DNAH8: variants seen among roughly 807,000 people sequenced by gnomAD.
DNAH8 encodes dynein axonemal heavy chain 8.
A neutral mutation model predicts 562.1 loss-of-function variants in DNAH8; 382 were observed. The ratio of observed to expected loss-of-function variants is 0.68; its 90% confidence interval spans 0.63 to 0.74. The LOEUF is 0.74. DNAH8 is among the 30% of genes least tolerant of loss of function. DNAH8 has a pLI of 0.00. For synonymous variants in DNAH8, 1,881 were observed against 1,919.4 expected (o/e 0.98, Z 0.52); for missense variants, 5,203 against 5,620.4 (o/e 0.93, Z 2.37).
chr6:38,811,059 T>G (rs945369405), intron 24 of DNAH8, among the ~76,000 whole-genome samples: 6 of 152,236 alleles, frequency 3.9e-5, no homozygotes, highest in Non-Finnish European at 8.8e-5. Context: ...TCTGCAGTTT[T>G]CTTTACCCCG....
At chr6:38,948,559 G>A (rs9470953) in intron 80 of DNAH8, among the ~76,000 whole-genome samples, 4,316 of 152,080 alleles carry the variant, frequency 0.028, 206 homozygotes, top group African/African-American at 0.098. Context: ...GGCTGGTCTC[G>A]AACTCCCGAC....
In DNAH8 at chr6:38,720,336, A is replaced by C. The variant is rs770375439; in HGVS notation, c.-34-2440A>C. On this transcript the variant is annotated intron_variant, in intron 1 of 92. Transcript: ENST00000327475. ...CTCTGCTCTGTAACTTGGCCAAAGA[A>C]GACACCAAATCAGAGTTGCTGTTTG... 5.9e-5 allele frequency among the ~76,000 whole-genome samples: 9 copies of C among 152,218 alleles called. 1 individual carries two copies. The highest frequency in any genetic ancestry group is 9.6e-5 in the African/African-American group (4 of 41,466).
In DNAH8 at chr6:38,908,135, T is replaced by G. The variant is rs147204268; in HGVS notation, c.9513+15T>G. 2.9e-4 allele frequency: 441 copies of G among 1,496,670 alleles called. No homozygotes were observed. In the African/African-American group the frequency reaches 5.3e-3, roughly 18 times the overall value. The allele number at this position is 1,496,670 out of a possible 1,614,324, so 92.7% of individuals were successfully genotyped here. A position where few individuals can be genotyped will look rare whatever the true frequency, so the allele number is the denominator to read the frequency against. On this transcript the variant is annotated intron_variant, in intron 64 of 92. Transcript: ENST00000327475. ...GCTTTTCTCCAGTAAGTTTTTATTT[T>G]TATTTATATCTACGTAGAAAGAGTT... is the stretch of plus-strand genomic sequence containing the variant.
chr6:38,881,057 G>A (rs1191490571), intron 53 of DNAH8, among the ~76,000 whole-genome samples: 3 of 151,978 alleles, frequency 2.0e-5, no homozygotes, highest in African/African-American at 7.2e-5. Context: ...CCCGCACAAT[G>A]GATATCATCA....
intron 21 of DNAH8, among the ~76,000 whole-genome samples, chr6:38,794,779 C>G (rs1738241): frequency 1.3e-5 from 2 of 151,918 alleles, no homozygotes; most frequent in Non-Finnish European, 1.5e-5. Flanking sequence ...TTACATAATA[C>G]GGATTTAGTA....
chr6:38,780,139 T>A, intron 15 of DNAH8, 74 bp downstream of exon 15: 1 of 1,397,368 alleles, frequency 7.2e-7, no homozygotes, highest in Non-Finnish European at 9.9e-7. Context: ...TTTGCCATCA[T>A]TGTCTCATGC....
At chr6:38,922,813 G>A (rs1253065131) in intron 71 of DNAH8, among the ~76,000 whole-genome samples, 2 of 152,282 alleles carry the variant, frequency 1.3e-5, no homozygotes, top group East Asian at 1.9e-4. Context: ...CTGATTAAAA[G>A]ATAAATTATG....
chr6:38,761,216 C>T (rs1393602132), intron 10 of DNAH8, among the ~76,000 whole-genome samples: 6 of 147,872 alleles, frequency 4.1e-5, no homozygotes, highest in Non-Finnish European at 4.5e-5. Flanking sequence ...CCCATTAACT[C>T]GTCATTTAGC....
At chr6:38,837,020 CACTCTTCATAGTGAAGAGTCCTATGG>C (rs894326032) in intron 32 of DNAH8, among the ~76,000 whole-genome samples, 9 of 152,076 alleles carry the variant, frequency 5.9e-5, no homozygotes, top group Non-Finnish European at 1.0e-4. Context: ...CACATAGTCC[CACTCTTCATAGTGAAGAGTCCTATGG>C]ACTCTTCATT....
At position 38,971,572 on chromosome 6, in the gene DNAH8, A is replaced by G. The variant is rs186554488; in HGVS notation, c.12452-20A>G. 8.8e-6 allele frequency: 13 copies of G among 1,472,370 alleles called. No individual in the cohort carries two copies. The highest frequency in any genetic ancestry group is 9.1e-6 in the Non-Finnish European group (10 of 1,095,018). The allele number at this position is 1,472,370 out of a possible 1,614,324, so 91.2% of individuals were successfully genotyped here. On this transcript the variant is annotated intron_variant, in intron 82 of 92. Transcript: ENST00000327475. Reference sequence around the variant, plus strand: ...GTAAGAGTTGTGTTTCATCATAGTGAACTTTCTCCTATGTTACAGAATGTA... The same window carrying G: ...GTAAGAGTTGTGTTTCATCATAGTGGACTTTCTCCTATGTTACAGAATGTA...
intron 79 of DNAH8, among the ~76,000 whole-genome samples, chr6:38,944,501 G>A (rs1310100161): frequency 6.6e-6 from 1 of 152,210 alleles, no homozygotes; most frequent in Non-Finnish European, 1.5e-5. Context: ...AGATTTAAAA[G>A]TTAAAGAATC....
At position 38,737,154 on chromosome 6, in the gene DNAH8, C is replaced by G. The variant is rs756093731; in HGVS notation, c.850C>G (p.Leu284Val). The G allele has an allele frequency of 2.5e-6, 4 of 1,583,860 alleles. No individual in the cohort carries two copies. The highest frequency in any genetic ancestry group is 3.4e-6 in the Non-Finnish European group (4 of 1,167,192). The change falls in exon 6 of 93, where the codon CTT (leucine) becomes GTT (valine). Residue 284 changes from leucine to valine, a missense_variant. By Grantham distance (32) the Leu-to-Val change is conservative. Transcript: ENST00000327475. ...MLANIFLPAV[L>V]ATNNWGALNQ... ...GGCAAATATATTTCTACCAGCTGTT[C>G]TTGCAACAAACAACTGGGGTGCTTT...
At chr6:38,998,767 C>T (rs1181983887) in intron 88 of DNAH8, among the ~76,000 whole-genome samples, 1 of 152,192 alleles carries the variant, frequency 6.6e-6, no homozygotes, top group African/African-American at 2.4e-5. Flanking sequence ...ATCTGAGCTT[C>T]TTCCCATATT....
At chr6:39,022,222 T>C (rs1034464706) in intron 91 of DNAH8, among the ~76,000 whole-genome samples, 1 of 152,202 alleles carries the variant, frequency 6.6e-6, no homozygotes, top group Non-Finnish European at 1.5e-5. Flanking sequence ...TTAAGTGTTT[T>C]TTTTTCTTCT....
chr6:38,870,474 C>G lies in DNAH8; in HGVS notation c.6902C>G (p.Thr2301Ser). ...LFPGLQLDSN[T>S]YAELQNAVAH... ...CCAGGACTGCAACTGGATAGTAATA[C>G]TTATGCAGAACTGCAAAACGCAGTA... Residue 2301 changes from threonine to serine, a missense_variant, in exon 49 of 93, where the codon ACT becomes AGT. Around this residue, in one of 6 missense-constraint regions of DNAH8, gnomAD observed 2,176 missense variants for 2,365.1 expected, o/e 0.92. Transcript: ENST00000327475. 1 of 1,614,078 alleles carries G rather than the reference C, an allele frequency of 6.2e-7. No individual in the cohort carries two copies. Among genetic ancestry groups the G allele is most frequent in the Non-Finnish European group, 8.5e-7 (1 of 1,179,946 alleles).
Position 38,763,368 on chromosome 6 carries a change from T to C in DNAH8, c.1617+1565T>C, listed in dbSNP as rs1442790232. 11 of 246,776 alleles carry C rather than the reference T, an allele frequency of 4.5e-5. No individual in the cohort carries two copies. In the Admixed American group the frequency reaches 5.6e-4, roughly 12 times the overall value. The allele number at this position is 246,776 out of a possible 1,614,324, so 15.3% of individuals were successfully genotyped here. The stretch of plus-strand genomic sequence containing the variant: ...CTTGGACAGAGTTTTCTTATTTAAA[T>C]ACAGAAGAAAAAAAAGCAGAATATT... On this transcript the variant is annotated intron_variant, in intron 11 of 92. Coordinates refer to ENST00000327475, the MANE Select transcript of DNAH8 (RefSeq NM_001206927.2).
intron 85 of DNAH8, among the ~76,000 whole-genome samples, chr6:38,979,995 C>T (rs1433714124): frequency 2.0e-5 from 3 of 152,132 alleles, no homozygotes; most frequent in Admixed American, 6.5e-5. Context: ...AGAACTAAAA[C>T]GGTTAGCTGT....
chr6:39,004,167 A>C (rs954179023), intron 88 of DNAH8, among the ~76,000 whole-genome samples: 1 of 152,178 alleles, frequency 6.6e-6, no homozygotes, highest in Admixed American at 6.5e-5. Flanking sequence ...CTTGAGCCCA[A>C]GAGTGTTAAG....
At position 38,852,696 on chromosome 6, in the gene DNAH8, G is replaced by A. The variant is rs61757626; in HGVS notation, c.5469G>A (p.Pro1823=). Residue 1823 remains proline (P), a splice_region_variant and synonymous_variant, in exon 40 of 93, where the codon CCG becomes CCA. Transcript: ENST00000327475. ...GQASDSHTIQ[P]HLPAVSDNIN... ...TGACGTTTTCCTCTGTCTTACAGCC[G>A]CATCTCCCTGCAGTATCTGACAACA... 18 of 1,610,022 alleles carry A rather than the reference G, an allele frequency of 1.1e-5. No homozygotes were observed. The East Asian group carries it at 2.7e-4, about 24-fold the overall frequency.
Sources: allele counts gnomAD v4.1 joint callset (sites outside exome capture counted in the v4.1 genomes callset), GRCh38; gene constraint gnomAD v4.1.1; regional missense constraint gnomAD v4.1.1; transcripts MANE v1.5; gene names NCBI Gene and HGNC (gene_info 2026-07-23, HGNC 2026-07-21).